MAMDC2: variants seen among roughly 807,000 people sequenced by gnomAD.
The protein encoded by MAMDC2 is MAM domain containing 2.
A neutral mutation model predicts 89.8 loss-of-function variants in MAMDC2; 57 were observed. The observed-to-expected ratio is 0.63, with a 90% CI of 0.51 to 0.79. MAMDC2 has a LOEUF of 0.79. Among genes scored for constraint, MAMDC2 ranks in the 30% least tolerant of loss-of-function variants. MAMDC2 has a pLI of 0.00. For synonymous variants in MAMDC2, 313 were observed against 293.4 expected (o/e 1.07, Z -0.68); for missense variants, 800 against 820.6 (o/e 0.97, Z 0.31).
rs753145113 is a variant in MAMDC2, at chr9:70,081,804, G to A, written c.149-26407G>A. 33 of 151,968 alleles carry A rather than the reference G, an allele frequency of 2.2e-4. 1 individual carries two copies. Among genetic ancestry groups the A allele is most frequent in the Admixed American group, 1.1e-3 (17 of 15,252 alleles). 9.4% of individuals were successfully genotyped at this position (151,968 alleles called of 1,614,324 possible). ...GGTCCCATAGTCATCATATGAGCTA[G>A]CCCCAGGCTCAATCCACTAAGCGAA... On this transcript the variant is annotated intron_variant, in intron 2 of 13. Transcript: ENST00000377182.
intron 11 of MAMDC2, among the ~76,000 whole-genome samples, chr9:70,204,992 G>A (rs2118644149): frequency 6.6e-6 from 1 of 152,330 alleles, no homozygotes. Context: ...TACCTCAGAT[G>A]GAAATGCAGA....
rs1167151486 is a variant in MAMDC2 at position 70,108,338 on chromosome 9, G to C, written c.276G>C (p.Glu92Asp). 7 of 1,614,116 alleles carry C rather than the reference G, an allele frequency of 4.3e-6. No homozygotes were observed. In the East Asian group the frequency reaches 1.6e-4, roughly 36 times the overall value. The part of the protein sequence containing the change: ...RLVYQITTSS[E>D]SLSDPSQLNL... ...TCTACCAGATAACCACATCTTCGGA[G>C]TCTCTGTCAGATCCCAGCCAGCTGA... The change falls in exon 3 of 14, where the codon GAG becomes GAC. Residue 92 changes from glutamate (E) to aspartate (D), a missense_variant. By Grantham distance (45) the Glu-to-Asp change is conservative (BLOSUM62 2). Transcript: ENST00000377182.
At chr9:70,209,653 T>G (rs2033308327) in intron 11 of MAMDC2, among the ~76,000 whole-genome samples, 1 of 152,224 alleles carries the variant, frequency 6.6e-6, no homozygotes, top group Non-Finnish European at 1.5e-5. Flanking sequence ...GCTCTGATCT[T>G]AGTTATTTCT....
intron 1 of MAMDC2, 152 bp from the exon 2 acceptor site, chr9:70,044,432 C>T (rs1826686662): frequency 3.8e-6 from 3 of 798,276 alleles, no homozygotes. Flanking sequence ...TGGAGGCGCC[C>T]GGGGATGCTG....
chr9:70,043,969 A>T lies in MAMDC2; in HGVS notation c.-229A>T. The T allele has an allele frequency of 1.7e-6, 1 of 602,710 alleles. No homozygotes were observed. The highest frequency in any genetic ancestry group is 2.0e-5 in the South Asian group (1 of 50,382). 37.3% of individuals were successfully genotyped at this position (602,710 alleles called of 1,614,324 possible). ...GCGGTCTGACCTGAGGCTGCTGCTC[A>T]GCGCCGGGGCGCTGGCGCTCTCCAT... is the stretch of plus-strand genomic sequence containing the variant. On this transcript the variant is annotated 5_prime_UTR_variant, in exon 1 of 14. Coordinates refer to ENST00000377182, the MANE Select transcript of MAMDC2 (RefSeq NM_153267.5).
chr9:70,068,504 G>A (rs565491420), intron 2 of MAMDC2, among the ~76,000 whole-genome samples: 136 of 152,002 alleles, frequency 8.9e-4, no homozygotes, highest in Non-Finnish European at 1.7e-3. Context: ...GATCACTTGA[G>A]GTAGGAGTTT....
chr9:70,198,538 T>C (rs1028855943), intron 11 of MAMDC2, among the ~76,000 whole-genome samples: 1 of 152,064 alleles, frequency 6.6e-6, no homozygotes, highest in Non-Finnish European at 1.5e-5. Context: ...AGAAAATGTC[T>C]TCAACTATTT....
chr9:70,145,941 A>C (rs2031391015), intron 9 of MAMDC2, among the ~76,000 whole-genome samples: 1 of 152,194 alleles, frequency 6.6e-6, no homozygotes, highest in Admixed American at 6.5e-5. Context: ...ACATAAAAAG[A>C]CAGAGGAGTA....
At chr9:70,199,283 G>A (rs1421740418) in intron 11 of MAMDC2, among the ~76,000 whole-genome samples, 1 of 129,198 alleles carries the variant, frequency 7.7e-6, no homozygotes. Context: ...TCCCACCTAT[G>A]AGTGAGAATA....
intron 2 of MAMDC2, among the ~76,000 whole-genome samples, chr9:70,076,736 G>A (rs1224081032): frequency 6.6e-6 from 1 of 152,134 alleles, no homozygotes; most frequent in African/African-American, 2.4e-5. Flanking sequence ...CTTGCTTGTG[G>A]TAGAATGTTT....
intron 2 of MAMDC2, among the ~76,000 whole-genome samples, chr9:70,090,407 C>G (rs1192483635): frequency 6.6e-6 from 1 of 150,616 alleles, no homozygotes; most frequent in Non-Finnish European, 1.5e-5. Context: ...TTGCTTGAAC[C>G]CAGGAGTTCA....
intron 2 of MAMDC2, among the ~76,000 whole-genome samples, chr9:70,050,072 C>T (rs1397320800): frequency 6.6e-6 from 1 of 152,192 alleles, no homozygotes; most frequent in South Asian, 2.1e-4. Flanking sequence ...CATCAGAGAG[C>T]TAATTATATT....
chr9:70,212,353 G>C (rs1358660257), intron 11 of MAMDC2, among the ~76,000 whole-genome samples: 2 of 152,230 alleles, frequency 1.3e-5, no homozygotes, highest in Non-Finnish European at 2.9e-5. Flanking sequence ...CAGCCTCGCT[G>C]CTGCCTTGCA....
chr9:70,077,117 T>C (rs901862345), intron 2 of MAMDC2, among the ~76,000 whole-genome samples: 1 of 152,200 alleles, frequency 6.6e-6, no homozygotes, highest in African/African-American at 2.4e-5. Flanking sequence ...GGGGCCTGGA[T>C]TAATTTATTC....
chr9:70,091,869 A>T (rs971402608), intron 2 of MAMDC2, among the ~76,000 whole-genome samples: 1 of 152,200 alleles, frequency 6.6e-6, no homozygotes, highest in Non-Finnish European at 1.5e-5. Context: ...GTTTTCTCCC[A>T]ACTTTACTGT....
intron 11 of MAMDC2, among the ~76,000 whole-genome samples, chr9:70,185,344 C>T (rs2032730838): frequency 6.6e-6 from 1 of 152,192 alleles, no homozygotes; most frequent in Admixed American, 6.5e-5. Context: ...CTCTTCCAGT[C>T]AGGAGGCACG....
chr9:70,216,678 G>C (rs2033451900), intron 11 of MAMDC2, among the ~76,000 whole-genome samples: 1 of 152,170 alleles, frequency 6.6e-6, no homozygotes, highest in Non-Finnish European at 1.5e-5. Context: ...TTTTCAAATA[G>C]AGGCAGTCTA....
At chr9:70,127,250 T>G (rs2030595115) in intron 6 of MAMDC2, among the ~76,000 whole-genome samples, 1 of 152,062 alleles carries the variant, frequency 6.6e-6, no homozygotes, top group South Asian at 2.1e-4. Context: ...AATTGGACAT[T>G]TTTTTCTAGG....
At chr9:70,079,616 A>G (rs1827610306) in intron 2 of MAMDC2, among the ~76,000 whole-genome samples, 2 of 152,154 alleles carry the variant, frequency 1.3e-5, no homozygotes, top group Non-Finnish European at 2.9e-5. Flanking sequence ...GCACTGGACT[A>G]ATTGCTTCTA....
Sources: allele counts gnomAD v4.1 joint callset (sites outside exome capture counted in the v4.1 genomes callset), GRCh38; gene constraint gnomAD v4.1.1; transcripts MANE v1.5; gene names NCBI Gene and HGNC (gene_info 2026-07-23, HGNC 2026-07-21).